DSCAM: variants seen among roughly 807,000 people sequenced by gnomAD.
DSCAM encodes the protein DS cell adhesion molecule.
DSCAM carries 47 observed loss-of-function variants against 217.7 expected under a neutral mutation model. The ratio of observed to expected loss-of-function variants is 0.22; its 90% CI spans 0.17 to 0.28. The LOEUF is 0.28. Among genes scored for constraint, DSCAM ranks in the 10% least tolerant of loss-of-function variants. The pLI is 1.00. For synonymous variants in DSCAM, 1,056 were observed against 1,015.3 expected, an observed-to-expected ratio of 1.04 and a Z score of -0.76; for missense variants, 2,080 against 2,618.3, an observed-to-expected ratio of 0.79 and a Z score of 4.49.
At chr21:40,690,901 G>A (rs543586565) in intron 3 of DSCAM, among the ~76,000 whole-genome samples, 1 of 152,228 alleles carries the variant, frequency 6.6e-6, no homozygotes, top group East Asian at 1.9e-4. Flanking sequence ...GGGACACATA[G>A]AGAAGAACAA....
intron 8 of DSCAM, among the ~76,000 whole-genome samples, chr21:40,317,608 C>T (rs140076730): frequency 5.3e-5 from 8 of 152,246 alleles, no homozygotes; most frequent in Non-Finnish European, 7.4e-5. Flanking sequence ...CGCCTCACTG[C>T]AACCTCCACC....
chr21:40,104,666 C>A (rs1447111451), intron 20 of DSCAM, among the ~76,000 whole-genome samples: 3 of 152,092 alleles, frequency 2.0e-5, no homozygotes, highest in Admixed American at 6.5e-5. Context: ...AAATGTACAA[C>A]CCCAAGAGTA....
intron 11 of DSCAM, among the ~76,000 whole-genome samples, chr21:40,251,495 C>T (rs1985397375): frequency 6.6e-6 from 1 of 152,134 alleles, no homozygotes; most frequent in South Asian, 2.1e-4. Flanking sequence ...CTAGTCTTCC[C>T]TTGTTTTAAT....
intron 3 of DSCAM, among the ~76,000 whole-genome samples, chr21:40,429,659 C>T (rs1370635893): frequency 6.6e-6 from 1 of 152,182 alleles, no homozygotes; most frequent in African/African-American, 2.4e-5. Flanking sequence ...TTGTTAAACG[C>T]CCTTGTACTT....
intron 1 of DSCAM, among the ~76,000 whole-genome samples, chr21:40,810,678 A>G (rs1324803138): frequency 2.0e-5 from 3 of 152,174 alleles, no homozygotes; most frequent in Non-Finnish European, 1.5e-5. Context: ...AGGCAGGAAG[A>G]TTGCTTGAGC....
At chr21:40,811,636 A>G (rs1304275582) in intron 1 of DSCAM, among the ~76,000 whole-genome samples, 3 of 152,218 alleles carry the variant, frequency 2.0e-5, no homozygotes, top group Non-Finnish European at 4.4e-5. Context: ...CAAAGACAGA[A>G]CAAAGGCTGA....
At chr21:40,380,307 T>C (rs1057326663) in intron 3 of DSCAM, among the ~76,000 whole-genome samples, 3 of 152,260 alleles carry the variant, frequency 2.0e-5, no homozygotes, top group Non-Finnish European at 4.4e-5. Flanking sequence ...AGAAAGAATA[T>C]AATTGTATAA....
chr21:40,707,723 T>C (rs2146481168), intron 2 of DSCAM, among the ~76,000 whole-genome samples: 1 of 152,362 alleles, frequency 6.6e-6, no homozygotes, highest in Non-Finnish European at 1.5e-5. Flanking sequence ...TGCTGTTTGC[T>C]AACAGGAGTC....
intron 1 of DSCAM, among the ~76,000 whole-genome samples, chr21:40,812,302 T>A (rs746473855): frequency 2.0e-5 from 3 of 152,144 alleles, no homozygotes; most frequent in Non-Finnish European, 2.9e-5. Context: ...ATGCAGCAGG[T>A]ACTCAGGTCA....
chr21:40,512,010 A>AAAAAT lies in DSCAM; in HGVS notation c.509-142766_509-142765insATTTT, dbSNP rs61560593. On this transcript the variant is annotated intron_variant, in intron 3 of 32. Coordinates refer to ENST00000400454, the MANE Select transcript of DSCAM (RefSeq NM_001389.5). Reference sequence around the variant, plus strand: ...TGTCTCAAAAAAAAAAAAAAAAAAAAGTATTCTATTTGAGGTCTTGCTTTT... The same window carrying AAAAAT: ...TGTCTCAAAAAAAAAAAAAAAAAAAAAAAATGTATTCTATTTGAGGTCTTGCTTTT... 2.8e-4 allele frequency among the ~76,000 whole-genome samples: 30 copies of AAAAAT among 106,414 alleles called. 5 individuals are homozygous for AAAAAT. Among genetic ancestry groups the AAAAAT allele is most frequent in the Admixed American group, 3.2e-4 (3 of 9,344 alleles). The allele number at this position is 106,414 out of a possible 152,430, so 69.8% of individuals were successfully genotyped here.
chr21:40,267,113 T>C (rs1208141343), intron 11 of DSCAM, among the ~76,000 whole-genome samples: 1 of 152,000 alleles, frequency 6.6e-6, no homozygotes, highest in East Asian at 1.9e-4. Flanking sequence ...ATTAAAATCC[T>C]AGACTTTATC....
At chr21:40,536,425 G>A (rs1388579865) in intron 3 of DSCAM, among the ~76,000 whole-genome samples, 2 of 142,170 alleles carry the variant, frequency 1.4e-5, no homozygotes, top group Admixed American at 7.2e-5. Flanking sequence ...TTTTTGAGAC[G>A]GAGTCTCGCT....
intron 3 of DSCAM, among the ~76,000 whole-genome samples, chr21:40,664,194 C>T (rs1184253369): frequency 6.6e-6 from 1 of 152,122 alleles, no homozygotes; most frequent in Non-Finnish European, 1.5e-5. Flanking sequence ...AAATACCTTC[C>T]CACTGGCATC....
chr21:40,738,114 C>T (rs1004258579), intron 1 of DSCAM, among the ~76,000 whole-genome samples: 1 of 152,136 alleles, frequency 6.6e-6, no homozygotes, highest in Non-Finnish European at 1.5e-5. Flanking sequence ...CTGTTATGTA[C>T]CCCCTCCCCG....
At chr21:40,049,339 C>G (rs569164690) in intron 30 of DSCAM, among the ~76,000 whole-genome samples, 1 of 152,068 alleles carries the variant, frequency 6.6e-6, no homozygotes, top group East Asian at 1.9e-4. Context: ...CCTCATCATG[C>G]GGGGAACCTT....
chr21:40,541,942 A>G (rs1200724269), intron 3 of DSCAM, among the ~76,000 whole-genome samples: 1 of 152,222 alleles, frequency 6.6e-6, no homozygotes, highest in Non-Finnish European at 1.5e-5. Flanking sequence ...GATAACTTGC[A>G]GTCCTGATGA....
At chr21:40,480,791 A>T (rs2075975664) in intron 3 of DSCAM, among the ~76,000 whole-genome samples, 1 of 152,212 alleles carries the variant, frequency 6.6e-6, no homozygotes, top group South Asian at 2.1e-4. Flanking sequence ...GACACTTTGA[A>T]TTTCACATAA....
intron 1 of DSCAM, among the ~76,000 whole-genome samples, chr21:40,810,489 T>A (rs61308498): frequency 0.014 from 2,130 of 152,250 alleles, 42 homozygotes; most frequent in African/African-American, 0.048. Context: ...GGGTAGAGTG[T>A]TTAAGCTTTT....
chr21:40,313,361 C>G lies in DSCAM; in HGVS notation c.1784-1002G>C, dbSNP rs1569057919. Among the ~76,000 whole-genome samples the G allele has an allele frequency of 3.3e-5, 5 of 152,168 alleles. No individual in the cohort carries two copies. The South Asian group carries it at 6.2e-4, about 19-fold the overall frequency. ...AGGAGGTCGGGTTATAGCCTTCAGC[C>G]TGGCCTGCCATGGACACTGCAAGCA... On this transcript the variant is annotated intron_variant, in intron 8 of 32. Transcript: ENST00000400454.
Sources: gnomAD v4.1 joint callset for allele counts (sites outside exome capture counted in the v4.1 genomes callset) on GRCh38, gnomAD v4.1.1 for gene constraint, MANE v1.5 for transcripts, NCBI Gene and HGNC (gene_info 2026-07-23, HGNC 2026-07-21) for gene names.